Variants in MTMR3 observed in about 807,000 individuals in gnomAD.
MTMR3 encodes myotubularin related protein 3.
In MTMR3, 32 loss-of-function variants were observed where a neutral mutation model predicts 132.4. The ratio of observed to expected loss-of-function variants is 0.24; its 90% CI spans 0.18 to 0.32. The LOEUF is 0.32. MTMR3 is among the 10% of genes least tolerant of loss of function. MTMR3 has a pLI of 1.00. For missense variants in MTMR3, 1,216 were observed against 1,489.6 expected (o/e 0.82, Z 3.02); for synonymous variants, 556 against 550.3 (o/e 1.01, Z -0.14).
intron 1 of MTMR3, among the ~76,000 whole-genome samples, chr22:29,926,250 C>A (rs1025452729): frequency 5.9e-5 from 9 of 152,114 alleles, no homozygotes; most frequent in Non-Finnish European, 1.2e-4. Context: ...CTGAATAATA[C>A]TCCATTGTGT....
chr22:30,005,998 C>T (rs1053329541), intron 9 of MTMR3: 1 of 152,278 alleles, frequency 6.6e-6, no homozygotes, highest in Non-Finnish European at 1.5e-5. Context: ...TTTATAGATT[C>T]GCCTATTCTG....
At chr22:29,901,725 T>G (rs1235653427) in intron 1 of MTMR3, among the ~76,000 whole-genome samples, 1 of 152,214 alleles carries the variant, frequency 6.6e-6, no homozygotes, top group Non-Finnish European at 1.5e-5. Context: ...AATTTTTGTT[T>G]GTTTGATAGA....
chr22:29,911,126 C>T (rs560760566), intron 1 of MTMR3, among the ~76,000 whole-genome samples: 3 of 152,202 alleles, frequency 2.0e-5, no homozygotes, highest in Middle Eastern at 3.4e-3. Flanking sequence ...CAGAATGAGG[C>T]CAAACAAGTA....
chr22:29,975,751 A>G (rs1267602566), intron 3 of MTMR3, among the ~76,000 whole-genome samples: 5 of 152,190 alleles, frequency 3.3e-5, no homozygotes, highest in Non-Finnish European at 7.3e-5. Context: ...GACTACAGGC[A>G]TGCGCCACTG....
At chr22:29,921,944 G>A (rs944928618) in intron 1 of MTMR3, among the ~76,000 whole-genome samples, 1 of 151,126 alleles carries the variant, frequency 6.6e-6, no homozygotes, top group African/African-American at 2.4e-5. Context: ...GACCTCTTGG[G>A]TTGAAGCAAA....
At chr22:29,928,914 A>G (rs1316508436) in intron 1 of MTMR3, among the ~76,000 whole-genome samples, 1 of 152,248 alleles carries the variant, frequency 6.6e-6, no homozygotes, top group East Asian at 1.9e-4. Flanking sequence ...ACGTAGTAGT[A>G]GTCGTAGTAT....
chr22:30,017,976 T>G lies in MTMR3; in HGVS notation c.1724T>G (p.Val575Gly), dbSNP rs754174063. 1.9e-6 allele frequency: 3 copies of G among 1,613,790 alleles called. No individual in the cohort carries two copies. The South Asian group carries it at 3.3e-5, about 18-fold the overall frequency. ...HVRNLMLWSA[V>G]YLPCPSPTTP... ...CGTAACCTGATGCTGTGGAGTGCAGTGTACCTGCCCTGCCCATCCCCAACC... is the reference window on the plus strand; with the variant it reads ...CGTAACCTGATGCTGTGGAGTGCAGGGTACCTGCCCTGCCCATCCCCAACC... Residue 575 changes from valine (V) to glycine (G), a missense_variant, in exon 16 of 20, where the codon GTG (valine) becomes GGG (glycine). Transcript: ENST00000401950.
At chr22:29,895,000 G>T (rs1218684926) in intron 1 of MTMR3, among the ~76,000 whole-genome samples, 1 of 152,192 alleles carries the variant, frequency 6.6e-6, no homozygotes, top group African/African-American at 2.4e-5. Flanking sequence ...GTGAGGTCAG[G>T]AGTTTGAGAC....
chr22:30,016,799 C>T, intron 15 of MTMR3, 101 bp downstream of exon 15: 3 of 1,302,850 alleles, frequency 2.3e-6, no homozygotes, highest in Non-Finnish European at 3.2e-6. Context: ...GTGAAGACAT[C>T]TCTACTGTCT....
chr22:29,962,324 G>A (rs999292923), intron 2 of MTMR3, among the ~76,000 whole-genome samples: 3 of 152,030 alleles, frequency 2.0e-5, no homozygotes, highest in Non-Finnish European at 2.9e-5. Flanking sequence ...GTATATTCAC[G>A]AAGTTGTGTA....
chr22:29,920,282 CGTT>C (rs2065385739), intron 1 of MTMR3, among the ~76,000 whole-genome samples: 1 of 151,806 alleles, frequency 6.6e-6, no homozygotes, highest in Admixed American at 6.6e-5. Context: ...CTCATGAACT[CGTT>C]GGTTATTCCT....
chr22:30,019,730 A>G lies in MTMR3; in HGVS notation c.2071A>G (p.Asn691Asp). Residue 691 changes from asparagine (N) to aspartate (D), a missense_variant, in exon 17 of 20, where the codon AAC (asparagine) becomes GAC (aspartate). Physicochemically the swap from Asn to Asp is conservative, Grantham distance 23. Transcript: ENST00000401950. ...AAGVAEGQME[N>D]ILQEATKEES... The stretch of plus-strand genomic sequence containing the variant: ...CGGAGTAGCTGAGGGGCAGATGGAG[A>G]ACATCTTGCAGGAGGCCACCAAAGA... 2 of 1,614,136 alleles carry G rather than the reference A, an allele frequency of 1.2e-6. No individual in the cohort carries two copies. The highest frequency in any genetic ancestry group is 1.7e-6 in the Non-Finnish European group (2 of 1,180,026).
chr22:30,007,010 C>T (rs2067286790), intron 9 of MTMR3, 104 bp from the exon 10 acceptor site: 2 of 1,218,392 alleles, frequency 1.6e-6, no homozygotes, highest in Non-Finnish European at 2.3e-6. Context: ...TGACCCAACA[C>T]TTACCTAGAA....
At chr22:29,943,654 G>T (rs1225130832) in intron 1 of MTMR3, among the ~76,000 whole-genome samples, 3 of 152,052 alleles carry the variant, frequency 2.0e-5, no homozygotes, top group Non-Finnish European at 4.4e-5. Context: ...GATCTACTTT[G>T]AATCTGTATC....
rs2067704099 is a variant in MTMR3 at position 30,019,977 on chromosome 22, G to C, written c.2318G>C (p.Ser773Thr). The C allele has an allele frequency of 1.9e-6, 3 of 1,614,236 alleles. No homozygotes were observed. Among genetic ancestry groups the C allele is most frequent in the Non-Finnish European group, 2.5e-6 (3 of 1,180,034 alleles). ...ATTTCTGAACAGCAGAGTGGGCTCA[G>C]TGTTCTCCTCAGTTCTCTCCAGGTC... ...QGISEQQSGL[S>T]VLLSSLQVPP... Residue 773 changes from serine (S) to threonine (T), a missense_variant, in exon 17 of 20, where the codon AGT becomes ACT. Ser to Thr is a moderately conservative substitution (Grantham distance 58, BLOSUM62 1). This residue lies in a region of MTMR3 where 852 missense variants were observed against 852.0 expected (regional missense o/e 1.00). Coordinates refer to ENST00000401950, the MANE Select transcript of MTMR3 (RefSeq NM_021090.4).
intron 1 of MTMR3, among the ~76,000 whole-genome samples, chr22:29,933,398 C>T (rs1415704127): frequency 6.6e-6 from 1 of 151,778 alleles, no homozygotes; most frequent in Non-Finnish European, 1.5e-5. Flanking sequence ...CTTTTATATC[C>T]AAGTTCTTGG....
At chr22:30,020,962 C>A in intron 17 of MTMR3, 78 bp downstream of exon 17, 1 of 1,353,868 alleles carries the variant, frequency 7.4e-7, no homozygotes, top group Non-Finnish European at 1.0e-6. Context: ...GTGCCCAGTG[C>A]ATGGTGATTG....
intron 9 of MTMR3, chr22:30,003,603 G>A (rs1185904141): frequency 6.6e-6 from 1 of 152,174 alleles, no homozygotes; most frequent in Non-Finnish European, 1.5e-5. Context: ...TCTTGCTAAG[G>A]CACCTTGAAT....
Position 29,897,061 on chromosome 22 carries a change from T to TTTTTTC in MTMR3, c.-138+13720_-138+13725dup, listed in dbSNP as rs796081148. Among the ~76,000 whole-genome samples the TTTTTTC allele has an allele frequency of 2.1e-4, 32 of 152,004 alleles. No homozygotes were observed. The South Asian group carries it at 6.4e-3, about 31-fold the overall frequency. Reference sequence around the variant, plus strand: ...ACACCATGTACTAATTCAGTAGATTTTTTTTCTTTTTCTTTTTCTTTTTTT... The same window carrying TTTTTTC: ...ACACCATGTACTAATTCAGTAGATTTTTTTTCTTTTTCTTTTTCTTTTTCTTTTTTT... On this transcript the variant is annotated intron_variant, in intron 1 of 19. Transcript: ENST00000401950.
Sources: gnomAD v4.1 joint callset for allele counts (sites outside exome capture counted in the v4.1 genomes callset) on GRCh38, gnomAD v4.1.1 for gene constraint, gnomAD v4.1.1 regional missense constraint, MANE v1.5 for transcripts, NCBI Gene and HGNC (gene_info 2026-07-23, HGNC 2026-07-21) for gene names.